TNR: variants seen among roughly 807,000 people sequenced by gnomAD.
The protein encoded by TNR is tenascin-R.
In TNR, 45 loss-of-function variants were observed where a neutral mutation model predicts 150.4. The observed-to-expected ratio is 0.30, with a 90% CI of 0.24 to 0.38. TNR has a LOEUF of 0.38. TNR is among the 10% of genes least tolerant of loss of function. The probability of loss-of-function intolerance (pLI) is 1.00; values close to 1 mark genes in which losing one functional copy is unlikely to be tolerated. For missense variants in TNR, 1,544 were observed against 1,759.1 expected (o/e 0.88, Z 2.19); for synonymous variants, 687 against 678.4 (o/e 1.01, Z -0.20).
In TNR at chr1:175,471,571, C is replaced by T. The variant is rs77638246; in HGVS notation, c.-64+56698G>A. ...TAGAAGAGGTACACTAAAAATACAG[C>T]ATAAAGGATTTAAAAAATGGTACAT... On this transcript the variant is annotated intron_variant, in intron 2 of 22. Coordinates refer to ENST00000367674, the MANE Select transcript of TNR (RefSeq NM_003285.3). Among the ~76,000 whole-genome samples, 1,168 of 152,192 alleles carry T rather than the reference C, an allele frequency of 7.7e-3. 11 individuals are homozygous for T. The highest frequency in any genetic ancestry group is 0.027 in the African/African-American group (1,120 of 41,508).
intron 2 of TNR, among the ~76,000 whole-genome samples, chr1:175,456,905 T>C (rs1297393522): frequency 6.6e-6 from 1 of 152,128 alleles, no homozygotes; most frequent in Non-Finnish European, 1.5e-5. Flanking sequence ...TTTAGACAAT[T>C]TATGAGTCAA....
At chr1:175,517,059 A>AGAGAGAGAGAG (rs1571550404) in intron 2 of TNR, among the ~76,000 whole-genome samples, 25 of 89,004 alleles carry the variant, frequency 2.8e-4, no homozygotes, top group African/African-American at 8.1e-4. Context: ...GAGAGAGAGA[A>AGAGAGAGAGAG]AGAGAGAGAG....
intron 17 of TNR, 139 bp downstream of exon 17, chr1:175,355,362 CCT>C: frequency 8.5e-7 from 1 of 1,179,002 alleles, no homozygotes; most frequent in Non-Finnish European, 1.2e-6. Context: ...GGCTGGGTAT[CCT>C]TGATGGGAAG....
intron 1 of TNR, among the ~76,000 whole-genome samples, chr1:175,605,804 A>G (rs1045493746): frequency 4.6e-5 from 7 of 152,174 alleles, no homozygotes; most frequent in African/African-American, 1.7e-4. Context: ...GCCAGCAAGC[A>G]TGACAGCTTT....
intron 5 of TNR, among the ~76,000 whole-genome samples, chr1:175,394,630 A>G (rs1653336483): frequency 6.6e-6 from 1 of 152,160 alleles, no homozygotes; most frequent in Admixed American, 6.5e-5. Flanking sequence ...TGACAGCATG[A>G]CTTTTCTCAG....
intron 2 of TNR, among the ~76,000 whole-genome samples, chr1:175,409,014 T>C (rs1191517659): frequency 6.6e-6 from 1 of 152,212 alleles, no homozygotes; most frequent in African/African-American, 2.4e-5. Context: ...AGTGACATGT[T>C]GGAATCAAAT....
At chr1:175,714,602 C>T (rs1667103573) in intron 1 of TNR, among the ~76,000 whole-genome samples, 1 of 152,202 alleles carries the variant, frequency 6.6e-6, no homozygotes, top group Admixed American at 6.5e-5. Flanking sequence ...ACTGAACCAT[C>T]CCCCGTTTTG....
At chr1:175,655,915 T>C (rs1665157708) in intron 1 of TNR, among the ~76,000 whole-genome samples, 1 of 152,150 alleles carries the variant, frequency 6.6e-6, no homozygotes, top group African/African-American at 2.4e-5. Context: ...ATGCCTGTTC[T>C]AGGTGGCCTT....
chr1:175,575,981 A>G (rs760197117), intron 1 of TNR, among the ~76,000 whole-genome samples: 4 of 152,172 alleles, frequency 2.6e-5, no homozygotes, highest in Non-Finnish European at 4.4e-5. Context: ...GCGATTCGAG[A>G]CATCCTCATT....
chr1:175,475,906 C>T (rs1034901616), intron 2 of TNR, among the ~76,000 whole-genome samples: 37 of 152,284 alleles, frequency 2.4e-4, no homozygotes, highest in African/African-American at 8.7e-4. Flanking sequence ...ATCTAACTTC[C>T]CCTCTAACCT....
rs187766875 is a variant in TNR, at chr1:175,548,836, G to C, written c.-164-20467C>G. Among the ~76,000 whole-genome samples, 131 of 152,282 alleles carry C rather than the reference G, an allele frequency of 8.6e-4. 1 individual carries two copies. Among genetic ancestry groups the C allele is most frequent in the Non-Finnish European group, 1.4e-3 (98 of 68,022 alleles). ...GTCATGACTGGCCATTTATCTGCTG[G>C]AATGCTCAGAGCAACACTCCCAATC... On this transcript the variant is annotated intron_variant, in intron 1 of 22. Transcript: ENST00000367674.
At chr1:175,584,685 C>T (rs1230274959) in intron 1 of TNR, among the ~76,000 whole-genome samples, 1 of 152,170 alleles carries the variant, frequency 6.6e-6, no homozygotes, top group Non-Finnish European at 1.5e-5. Flanking sequence ...GGCCTAGGAT[C>T]TTCTGGTTCA....
intron 1 of TNR, among the ~76,000 whole-genome samples, chr1:175,686,118 C>T (rs1666192304): frequency 6.6e-6 from 1 of 152,108 alleles, no homozygotes; most frequent in African/African-American, 2.4e-5. Context: ...TTTTTATTTG[C>T]CATGATTTGC....
intron 5 of TNR, 92 bp from the exon 6 acceptor site, chr1:175,393,987 G>GC: frequency 1.9e-5 from 19 of 1,010,922 alleles, no homozygotes; most frequent in Non-Finnish European, 2.8e-5. Flanking sequence ...CTCCCTCCAC[G>GC]CCATGGGCGT....
chr1:175,603,368 G>C (rs1343184597), intron 1 of TNR, among the ~76,000 whole-genome samples: 1 of 152,194 alleles, frequency 6.6e-6, no homozygotes, highest in African/African-American at 2.4e-5. Context: ...GAAATAGTAA[G>C]GGGTCAGTAA....
At chr1:175,735,765 A>T (rs1228827398) in intron 1 of TNR, among the ~76,000 whole-genome samples, 1 of 152,162 alleles carries the variant, frequency 6.6e-6, no homozygotes, top group East Asian at 1.9e-4. Context: ...AAGAACCTGG[A>T]GGGAGGGGAA....
At chr1:175,705,618 T>A (rs1186527521) in intron 1 of TNR, among the ~76,000 whole-genome samples, 2 of 152,062 alleles carry the variant, frequency 1.3e-5, no homozygotes, top group Non-Finnish European at 2.9e-5. Context: ...TGCGTGTGTG[T>A]GTATTTGGCT....
At chr1:175,566,315 T>A (rs1661642040) in intron 1 of TNR, among the ~76,000 whole-genome samples, 1 of 152,166 alleles carries the variant, frequency 6.6e-6, no homozygotes, top group Non-Finnish European at 1.5e-5. Flanking sequence ...AAAAAGGAGA[T>A]GAAATCCAAA....
intron 2 of TNR, among the ~76,000 whole-genome samples, chr1:175,416,339 G>C (rs1654445580): frequency 6.6e-6 from 1 of 152,134 alleles, no homozygotes; most frequent in Non-Finnish European, 1.5e-5. Context: ...TAGGCTCTCA[G>C]TTCAGTAGTA....
Sources: allele counts gnomAD v4.1 joint callset (sites outside exome capture counted in the v4.1 genomes callset), GRCh38; gene constraint gnomAD v4.1.1; transcripts MANE v1.5; gene names NCBI Gene and HGNC (gene_info 2026-07-23, HGNC 2026-07-21).